Variants in ASAP1 observed in about 807,000 individuals in gnomAD.
The protein encoded by ASAP1 is ArfGAP with SH3 domain, ankyrin repeat and PH domain 1.
ASAP1 carries 43 observed loss-of-function variants against 145.2 expected under a neutral mutation model. The observed-to-expected ratio is 0.30, with a 90% CI of 0.23 to 0.38. The LOEUF (loss-of-function observed/expected upper bound fraction) is 0.38, where lower values mean the gene tolerates loss of function less well. Ranked by LOEUF, ASAP1 falls within the 10% of genes least tolerant of loss-of-function variation. ASAP1 has a pLI of 1.00. For synonymous variants in ASAP1, 546 were observed against 515.5 expected, an observed-to-expected ratio of 1.06 and a Z score of -0.80; for missense variants, 1,018 against 1,355.3, an observed-to-expected ratio of 0.75 and a Z score of 3.91.
intron 25 of ASAP1, 60 bp from the exon 26 acceptor site, chr8:130,080,031 A>G: frequency 1.1e-5 from 16 of 1,488,162 alleles, no homozygotes; most frequent in Non-Finnish European, 1.5e-5. Context: ...CAATGAGAAT[A>G]CATGGGTTTG....
chr8:130,187,948 GA>G (rs1814852039), intron 6 of ASAP1, among the ~76,000 whole-genome samples, 160 bp downstream of exon 6: 1 of 152,054 alleles, frequency 6.6e-6, no homozygotes, highest in Non-Finnish European at 1.5e-5. Context: ...ACCATTATGT[GA>G]AGAGGCACAT....
At chr8:130,399,546 C>A (rs1296229035) in intron 2 of ASAP1, among the ~76,000 whole-genome samples, 1 of 152,144 alleles carries the variant, frequency 6.6e-6, no homozygotes, top group Non-Finnish European at 1.5e-5. Context: ...AAGGCGGTAT[C>A]ATGTCTCGAT....
chr8:130,174,739 T>C (rs1813836326), intron 9 of ASAP1, among the ~76,000 whole-genome samples: 1 of 152,244 alleles, frequency 6.6e-6, no homozygotes, highest in Admixed American at 6.5e-5. Flanking sequence ...GCTGAGTTAG[T>C]GAACATATGC....
chr8:130,090,834 A>C (rs1451527787), intron 25 of ASAP1, among the ~76,000 whole-genome samples: 2 of 152,220 alleles, frequency 1.3e-5, no homozygotes, highest in Middle Eastern at 3.2e-3. Context: ...CCAGATGGTG[A>C]ACAGGTGACA....
intron 9 of ASAP1, among the ~76,000 whole-genome samples, chr8:130,170,099 C>A (rs1202036035): frequency 6.6e-6 from 1 of 152,176 alleles, no homozygotes; most frequent in Admixed American, 6.5e-5. Context: ...ACAACGAGGA[C>A]CTTGAGCATG....
At chr8:130,408,677 C>A (rs866593596) in intron 1 of ASAP1, among the ~76,000 whole-genome samples, 1 of 152,098 alleles carries the variant, frequency 6.6e-6, no homozygotes, top group Non-Finnish European at 1.5e-5. Context: ...TCTGAAGAAC[C>A]CTTTTACATA....
intron 27 of ASAP1, among the ~76,000 whole-genome samples, chr8:130,072,455 C>T (rs142216039): frequency 4.4e-4 from 67 of 152,202 alleles, no homozygotes; most frequent in Non-Finnish European, 7.8e-4. Context: ...CCATGTAAGA[C>T]GTGCCTTTCG....
chr8:130,197,202 T>C (rs1433673756), intron 5 of ASAP1, among the ~76,000 whole-genome samples: 1 of 152,194 alleles, frequency 6.6e-6, no homozygotes, highest in East Asian at 1.9e-4. Flanking sequence ...CTGAGGCAGG[T>C]GGTTTGCTTG....
intron 27 of ASAP1, among the ~76,000 whole-genome samples, chr8:130,070,182 G>T (rs550888420): frequency 3.3e-5 from 5 of 152,092 alleles, no homozygotes; most frequent in Non-Finnish European, 7.4e-5. Flanking sequence ...GACTACAGGC[G>T]CCCGTCACCA....
chr8:130,117,519 A>C (rs1391941358), intron 20 of ASAP1, among the ~76,000 whole-genome samples: 1 of 152,106 alleles, frequency 6.6e-6, no homozygotes. Context: ...CACTATTTTG[A>C]TCTTCTTCTT....
chr8:130,124,323 T>C (rs541801434), intron 17 of ASAP1, among the ~76,000 whole-genome samples: 2 of 152,348 alleles, frequency 1.3e-5, no homozygotes, highest in African/African-American at 4.8e-5. Context: ...TAAACTATGT[T>C]CCCTTTCCAT....
chr8:130,164,337 C>A (rs906915358), intron 11 of ASAP1, among the ~76,000 whole-genome samples: 8 of 152,196 alleles, frequency 5.3e-5, no homozygotes, highest in Non-Finnish European at 7.3e-5. Flanking sequence ...GTAATCCCAG[C>A]ACTTTGGGAG....
chr8:130,087,063 C>T (rs2097494905), intron 25 of ASAP1, among the ~76,000 whole-genome samples: 1 of 152,160 alleles, frequency 6.6e-6, no homozygotes, highest in East Asian at 1.9e-4. Context: ...TAAAGGTCAG[C>T]ATGGGGGACT....
At chr8:130,280,163 C>T (rs1309051906) in intron 3 of ASAP1, among the ~76,000 whole-genome samples, 3 of 152,146 alleles carry the variant, frequency 2.0e-5, no homozygotes, top group African/African-American at 7.2e-5. Flanking sequence ...CAGTAAGTAG[C>T]CCAGCTGGAA....
chr8:130,194,812 C>A (rs1456365388), intron 5 of ASAP1, among the ~76,000 whole-genome samples: 1 of 152,000 alleles, frequency 6.6e-6, no homozygotes, highest in Non-Finnish European at 1.5e-5. Context: ...GCTCACCCAC[C>A]GCTCACCTCC....
intron 3 of ASAP1, among the ~76,000 whole-genome samples, chr8:130,256,757 ATATATATATATATATATATAT>A (rs1819572355): frequency 1.1e-5 from 1 of 93,678 alleles, no homozygotes; most frequent in African/African-American, 3.8e-5. Flanking sequence ...ATATATATAT[ATATATATATATATATATATAT>A]ATATCCTTAT....
chr8:130,315,227 T>C (rs1037451082), intron 3 of ASAP1, among the ~76,000 whole-genome samples: 3 of 152,152 alleles, frequency 2.0e-5, no homozygotes, highest in African/African-American at 7.2e-5. Flanking sequence ...GAGGGGATCA[T>C]TCTAGGATTT....
At chr8:130,172,240 T>A (rs911462206) in intron 9 of ASAP1, among the ~76,000 whole-genome samples, 6 of 152,340 alleles carry the variant, frequency 3.9e-5, no homozygotes, top group Admixed American at 3.3e-4. Context: ...TGCAGAGGGA[T>A]ACAGATTCTT....
At chr8:130,302,887 G>T (rs1414779554) in intron 3 of ASAP1, among the ~76,000 whole-genome samples, 1 of 152,198 alleles carries the variant, frequency 6.6e-6, no homozygotes, top group Non-Finnish European at 1.5e-5. Context: ...TCTTCCTGTG[G>T]AAAGATCGTG....
Sources: allele counts gnomAD v4.1 joint callset (sites outside exome capture counted in the v4.1 genomes callset), GRCh38; gene constraint gnomAD v4.1.1; transcripts MANE v1.5; gene names NCBI Gene and HGNC (gene_info 2026-07-23, HGNC 2026-07-21).